HIVEP3: variants seen among roughly 807,000 people sequenced by gnomAD.
The protein encoded by HIVEP3 is HIVEP zinc finger 3.
In HIVEP3, 49 loss-of-function variants were observed where a neutral mutation model predicts 152.8. That is an observed-to-expected ratio of 0.32 (90% confidence interval 0.26 to 0.41). The LOEUF is 0.41. Ranked by LOEUF, HIVEP3 falls within the 10% of genes least tolerant of loss-of-function variation. The pLI, the probability that HIVEP3 is intolerant of heterozygous loss-of-function variation, is 1.00. For missense variants in HIVEP3, 2,790 were observed against 3,103.3 expected (o/e 0.90, Z 2.40); for synonymous variants, 1,269 against 1,289.0 (o/e 0.98, Z 0.33).
chr1:41,790,872 C>G (rs1214486215), intron 1 of HIVEP3, among the ~76,000 whole-genome samples: 1 of 152,134 alleles, frequency 6.6e-6, no homozygotes. Flanking sequence ...GGACAAGATG[C>G]ATCCATACTG....
intron 1 of HIVEP3, among the ~76,000 whole-genome samples, chr1:41,734,555 C>A (rs921421783): frequency 6.6e-6 from 1 of 152,138 alleles, no homozygotes; most frequent in Non-Finnish European, 1.5e-5. Flanking sequence ...GAGCGATGGG[C>A]CACTGGGTGA....
In HIVEP3 at chr1:41,950,234, C is replaced by T. The variant is rs553119087; in HGVS notation, n.120-31710G>A. 2.7e-3 allele frequency among the ~76,000 whole-genome samples: 417 copies of T among 152,246 alleles called. 1 individual carries two copies. The highest frequency in any genetic ancestry group is 9.3e-3 in the African/African-American group (385 of 41,534). On this transcript the variant is annotated intron_variant and non_coding_transcript_variant, in intron 1 of 3. Transcript: ENST00000489103. ...AGGATATAAACCCAGGCATTCCAGC[C>T]GGCAATGGCTACCCTCTTTGGGTCC...
intron 3 of HIVEP3, among the ~76,000 whole-genome samples, chr1:41,598,614 C>T (rs1336530761): frequency 6.6e-6 from 1 of 152,162 alleles, no homozygotes; most frequent in Non-Finnish European, 1.5e-5. Context: ...CTTCATTTCT[C>T]CACTCAGTCT....
At chr1:41,668,066 A>G (rs1645822950) in intron 2 of HIVEP3, among the ~76,000 whole-genome samples, 1 of 152,214 alleles carries the variant, frequency 6.6e-6, no homozygotes, top group Non-Finnish European at 1.5e-5. Context: ...GAATTCTGAG[A>G]TGCCCTTACA....
intron 3 of HIVEP3, among the ~76,000 whole-genome samples, chr1:41,627,128 G>A (rs1395454703): frequency 6.6e-6 from 1 of 152,338 alleles, no homozygotes; most frequent in East Asian, 1.9e-4. Context: ...CATGCAGATG[G>A]CACAGGGCTG....
chr1:41,534,106 A>G (rs1254479761), intron 5 of HIVEP3, among the ~76,000 whole-genome samples: 1 of 151,938 alleles, frequency 6.6e-6, no homozygotes, highest in African/African-American at 2.4e-5. Flanking sequence ...CTCTGTCCCC[A>G]CCAGCCCTGG....
rs1645585010 is a variant in HIVEP3, at chr1:41,653,641, G to C, written c.-720-24694C>G. 2.6e-5 allele frequency among the ~76,000 whole-genome samples: 4 copies of C among 152,110 alleles called. No individual in the cohort carries two copies. In the South Asian group the frequency reaches 8.3e-4, roughly 32 times the overall value. ...CAACCCATGATGATGATGGTTTCCT[G>C]CCCACCTGGGCATCTGGTGCCTCTC... On this transcript the variant is annotated intron_variant, in intron 2 of 8. Coordinates refer to ENST00000372583, the MANE Select transcript of HIVEP3 (RefSeq NM_024503.5).
chr1:41,584,650 C>CGGGGCTCTCTTGGGT lies in HIVEP3; in HGVS notation c.133_147dup (p.Thr45_Pro49dup). 6.3e-7 allele frequency: 1 copy of CGGGGCTCTCTTGGGT among 1,597,556 alleles called. No individual in the cohort carries two copies. The highest frequency in any genetic ancestry group is 1.1e-5 in the South Asian group (1 of 88,652). On this transcript the variant is annotated inframe_insertion, in exon 4 of 9. Coordinates refer to ENST00000372583, the MANE Select transcript of HIVEP3 (RefSeq NM_024503.5). The surrounding 1 kb of genome is among the most constrained non-coding windows in gnomAD (Gnocchi z 5.2). ...GGCTGCGGGGCTAAGAGCTCTTGGG[C>CGGGGCTCTCTTGGGT]GGGGCTCTCTTGGGTGGCAGCTGTG...
intron 1 of HIVEP3, among the ~76,000 whole-genome samples, chr1:41,813,860 C>T (rs1369203155): frequency 6.6e-6 from 1 of 152,204 alleles, no homozygotes; most frequent in East Asian, 1.9e-4. Context: ...CAGACCAGCA[C>T]AGCCTGTTGT....
chr1:41,951,711 G>A (rs1387191326), intron 1 of HIVEP3, among the ~76,000 whole-genome samples: 1 of 152,138 alleles, frequency 6.6e-6, no homozygotes, highest in Non-Finnish European at 1.5e-5. Context: ...CAGAGCAGCA[G>A]GGGACAGAAT....
At chr1:41,637,873 G>A (rs1228530746) in intron 2 of HIVEP3, among the ~76,000 whole-genome samples, 1 of 152,242 alleles carries the variant, frequency 6.6e-6, no homozygotes, top group South Asian at 2.1e-4. Flanking sequence ...TGGGGGGTCA[G>A]TGTTTAATAA....
chr1:41,656,794 A>C (rs188263091), intron 2 of HIVEP3, among the ~76,000 whole-genome samples: 1 of 152,330 alleles, frequency 6.6e-6, no homozygotes, highest in East Asian at 1.9e-4. Context: ...AGCAAATTAC[A>C]CAGTGAGAAA....
intron 1 of HIVEP3, among the ~76,000 whole-genome samples, chr1:41,844,294 G>C (rs763778046): frequency 6.6e-6 from 1 of 152,228 alleles, no homozygotes; most frequent in Non-Finnish European, 1.5e-5. Flanking sequence ...GCAATGAACA[G>C]TGCTGCTGCA....
chr1:41,559,327 C>T (rs945361854), intron 5 of HIVEP3, among the ~76,000 whole-genome samples: 21 of 152,202 alleles, frequency 1.4e-4, no homozygotes, highest in Non-Finnish European at 2.5e-4. Flanking sequence ...ACATCACAAA[C>T]ATACAGGAAC....
chr1:42,019,920 T>TG (rs1192303979), intron 1 of HIVEP3, among the ~76,000 whole-genome samples: 1 of 152,098 alleles, frequency 6.6e-6, no homozygotes. Flanking sequence ...AAATCAACAC[T>TG]GAATTTTATC....
chr1:41,529,799 C>T (rs1643186097), intron 5 of HIVEP3, among the ~76,000 whole-genome samples: 1 of 149,062 alleles, frequency 6.7e-6, no homozygotes, highest in Non-Finnish European at 1.5e-5. Flanking sequence ...CATACATACA[C>T]ATAACCCCAC....
intron 5 of HIVEP3, chr1:41,542,406 C>CT (rs59393863): frequency 6.5e-6 from 1 of 153,932 alleles, no homozygotes; most frequent in African/African-American, 2.4e-5. Flanking sequence ...AGGACCCCCC[C>CT]GCTGGAGGAT....
intron 3 of HIVEP3, among the ~76,000 whole-genome samples, chr1:41,589,960 T>C (rs1424240728): frequency 6.6e-6 from 1 of 152,248 alleles, no homozygotes; most frequent in African/African-American, 2.4e-5. Context: ...GGCCACAGGC[T>C]GAAGAGGAGG....
intron 4 of HIVEP3, among the ~76,000 whole-genome samples, chr1:41,578,119 C>T (rs1323108156): frequency 2.6e-5 from 4 of 152,190 alleles, no homozygotes; most frequent in African/African-American, 9.7e-5. Context: ...CTAGGCTCTG[C>T]CATTTACTGT....
Sources: gnomAD v4.1 joint callset for allele counts (sites outside exome capture counted in the v4.1 genomes callset) on GRCh38, gnomAD v4.1.1 for gene constraint, Gnocchi (gnomAD v3.1) non-coding constraint, MANE v1.5 for transcripts, NCBI Gene and HGNC (gene_info 2026-07-23, HGNC 2026-07-21) for gene names.